Variants in CEP120 observed in about 807,000 individuals in gnomAD.
The protein encoded by CEP120 is centrosomal protein 120.
In CEP120, 113 loss-of-function variants were observed where a neutral mutation model predicts 126.5. The ratio of observed to expected loss-of-function variants is 0.89; its 90% confidence interval spans 0.77 to 1.04. The LOEUF is 1.04. Among genes scored for constraint, CEP120 ranks in the 50% least tolerant of loss-of-function variants. CEP120 has a pLI of 0.00. For synonymous variants in CEP120, 400 were observed against 394.3 expected, an observed-to-expected ratio of 1.01 and a Z score of -0.17; for missense variants, 1,230 against 1,155.7, an observed-to-expected ratio of 1.06 and a Z score of -0.93.
intron 1 of CEP120, 74 bp from the exon 2 acceptor site, chr5:123,418,589 TG>T: frequency 7.5e-7 from 1 of 1,336,916 alleles, no homozygotes; most frequent in Non-Finnish European, 9.9e-7. Context: ...TGTGTTTTTT[TG>T]TTTGGCTGGT....
intron 5 of CEP120, among the ~76,000 whole-genome samples, chr5:123,396,647 C>T (rs183113830): frequency 1.7e-4 from 26 of 152,116 alleles, no homozygotes; most frequent in Non-Finnish European, 3.2e-4. Context: ...GTAACTATCA[C>T]GACTACATAA....
rs1347939762 is a variant in CEP120, at chr5:123,412,333, G to A, written c.463+66C>T. On this transcript the variant is annotated intron_variant, in intron 4 of 19. Coordinates refer to ENST00000306467, the MANE Select transcript of CEP120 (RefSeq NM_001375405.1). ...GCATATATGTCCCTATAACACTCCC[G>A]CTTCCTAAAGCTCTAGTCCAAAGAT... 8 of 1,495,484 alleles carry A rather than the reference G, an allele frequency of 5.3e-6. No homozygotes were observed. Among genetic ancestry groups the A allele is most frequent in the Non-Finnish European group, 7.2e-6 (8 of 1,112,788 alleles). 92.6% of individuals were successfully genotyped at this position (1,495,484 alleles called of 1,614,324 possible). A position where few individuals can be genotyped will look rare whatever the true frequency, so the allele number is the denominator to read the frequency against.
At chr5:123,384,207 G>C (rs536679987) in intron 11 of CEP120, among the ~76,000 whole-genome samples, 22 of 152,142 alleles carry the variant, frequency 1.4e-4, no homozygotes, top group Middle Eastern at 6.8e-3. Context: ...TCAATAATAG[G>C]AGTTGAAACA....
rs1774124080 is a variant in CEP120, at chr5:123,412,449, G to A, written c.413C>T (p.Pro138Leu). The A allele has an allele frequency of 1.2e-6, 2 of 1,611,428 alleles. No individual in the cohort carries two copies. Among genetic ancestry groups the A allele is most frequent in the Admixed American group, 1.7e-5 (1 of 59,660 alleles). ...ISIALETDTK[P>L]PVDSFKAKGA... ...CTTTGCTTTAAAGCTATCCACTGGT[G>A]GCTTTGTATCGGTTTCCAAAGCAAT... The change falls in exon 4 of 20, where the codon CCA (proline) becomes CTA (leucine). Residue 138 changes from proline to leucine, a missense_variant. Pro to Leu is a moderately conservative substitution (Grantham distance 98). Transcript: ENST00000306467.
chr5:123,382,462 G>A (rs1771715709), intron 13 of CEP120, among the ~76,000 whole-genome samples: 1 of 152,078 alleles, frequency 6.6e-6, no homozygotes, highest in Admixed American at 6.6e-5. Flanking sequence ...GGTTCCAGGA[G>A]GGCATGCCAA....
intron 18 of CEP120, among the ~76,000 whole-genome samples, chr5:123,362,619 C>G (rs1003321055): frequency 6.6e-5 from 10 of 151,746 alleles, no homozygotes; most frequent in African/African-American, 2.4e-4. Flanking sequence ...AGTGTTACAC[C>G]TAGCACAAAG....
intron 17 of CEP120, among the ~76,000 whole-genome samples, chr5:123,371,386 C>A (rs748636174): frequency 6.6e-6 from 1 of 151,962 alleles, no homozygotes; most frequent in African/African-American, 2.4e-5. Context: ...CAGGCAAACT[C>A]CCATTTTTTA....
rs538255878 is a variant in CEP120 at position 123,344,976 on chromosome 5, GA to G, written c.*1542del. On this transcript the variant is annotated 3_prime_UTR_variant, in exon 20 of 20. Coordinates refer to ENST00000306467, the MANE Select transcript of CEP120 (RefSeq NM_001375405.1). ...CAAAATAAACTACACATCCATTTTAGAAAAGTCCTTTTTATTTCTTTAAATC... is the reference window on the plus strand; with the variant it reads ...CAAAATAAACTACACATCCATTTTAGAAAGTCCTTTTTATTTCTTTAAATC... The G allele has an allele frequency of 6.6e-6, 1 of 152,126 alleles. No homozygotes were observed. The highest frequency in any genetic ancestry group is 2.4e-5 in the African/African-American group (1 of 41,426). 9.4% of individuals were successfully genotyped at this position (152,126 alleles called of 1,614,324 possible).
At chr5:123,350,169 T>A in intron 18 of CEP120, 80 bp from the exon 19 acceptor site, 1 of 1,320,404 alleles carries the variant, frequency 7.6e-7, no homozygotes, top group Non-Finnish European at 1.0e-6. Flanking sequence ...GTGATTATAA[T>A]CCTATTTGAC....
intron 4 of CEP120, chr5:123,403,888 T>C: frequency 5.3e-6 from 1 of 188,018 alleles, no homozygotes; most frequent in African/African-American, 2.4e-5. Flanking sequence ...AACAATTCAA[T>C]GTAACATCTA....
intron 18 of CEP120, among the ~76,000 whole-genome samples, chr5:123,351,345 T>C (rs1341779710): frequency 6.6e-6 from 1 of 152,214 alleles, no homozygotes; most frequent in East Asian, 1.9e-4. Context: ...TTGTTCTCTG[T>C]AGTTAATCAT....
rs1275171528 is a variant in CEP120, at chr5:123,393,438, A to G, written c.672T>C (p.Ser224=). 4.3e-6 allele frequency: 7 copies of G among 1,614,036 alleles called. No homozygotes were observed. In the African/African-American group the frequency reaches 5.3e-5, roughly 12 times the overall value. Residue 224 remains serine (S), a synonymous_variant, in exon 6 of 20, where the codon TCT becomes TCC. Transcript: ENST00000306467. The stretch of plus-strand genomic sequence containing the variant: ...CATTTGTAACATCATTTCCCAGTAA[A>G]GAGTAGTAAAAGAAAAACTCAGGCT... ...ERQPEFFFYY[S]LLGNDVTNEP... is the part of the protein sequence containing the mutation.
chr5:123,399,178 A>C lies in CEP120; in HGVS notation c.570T>G (p.Phe190Leu). The C allele has an allele frequency of 6.2e-7, 1 of 1,613,208 alleles. No individual in the cohort carries two copies. Among genetic ancestry groups the C allele is most frequent in the Non-Finnish European group, 8.5e-7 (1 of 1,179,206 alleles). Residue 190 changes from phenylalanine to leucine, a missense_variant, in exon 5 of 20, where the codon TTT becomes TTG. Coordinates refer to ENST00000306467, the MANE Select transcript of CEP120 (RefSeq NM_001375405.1). ...IGPAEYCTDSFIMSVTIAFAT... is the reference protein window; with the variant it reads ...IGPAEYCTDSLIMSVTIAFAT... ...CAAATGCTATGGTCACTGACATAAT[A>C]AAGGAGTCAGTACAGTATTCTGCTG... is the stretch of plus-strand genomic sequence containing the variant.
chr5:123,395,925 G>A (rs898072321), intron 5 of CEP120, among the ~76,000 whole-genome samples: 31 of 150,438 alleles, frequency 2.1e-4, no homozygotes, highest in African/African-American at 7.3e-4. Context: ...CTCGTGATCC[G>A]CCCTCCTCAG....
chr5:123,362,112 A>T (rs1562005881), intron 18 of CEP120, among the ~76,000 whole-genome samples: 1 of 151,556 alleles, frequency 6.6e-6, no homozygotes, highest in African/African-American at 2.4e-5. Flanking sequence ...CTTGGCCCCA[A>T]TTCCACAGGG....
chr5:123,395,989 CTTTTTT>C (rs67492630), intron 5 of CEP120, among the ~76,000 whole-genome samples: 1 of 129,998 alleles, frequency 7.7e-6, no homozygotes. Context: ...GTCTCCATTC[CTTTTTT>C]TTTTTTTTTT....
rs1774844757 is a variant in CEP120, at chr5:123,423,298, G to C, written c.-300C>G. ...CCGAGGACCTTTTGCCGCCTGCGTAGCCGCTTTTCAAACGCCCGGGCGGCC... is the reference window on the plus strand; with the variant it reads ...CCGAGGACCTTTTGCCGCCTGCGTACCCGCTTTTCAAACGCCCGGGCGGCC... On this transcript the variant is annotated 5_prime_UTR_variant, in exon 1 of 20. Coordinates refer to ENST00000306467, the MANE Select transcript of CEP120 (RefSeq NM_001375405.1). 2.3e-6 allele frequency: 1 copy of C among 429,562 alleles called. No homozygotes were observed. The highest frequency in any genetic ancestry group is 4.1e-5 in the Admixed American group (1 of 24,306). The allele number at this position is 429,562 out of a possible 1,614,324, so 26.6% of individuals were successfully genotyped here. A position where few individuals can be genotyped will look rare whatever the true frequency, so the allele number is the denominator to read the frequency against.
At chr5:123,402,125 C>G (rs1773291318) in intron 4 of CEP120, 1 of 1,582,684 alleles carries the variant, frequency 6.3e-7, no homozygotes, top group East Asian at 2.2e-5. Context: ...CAAGGGGGCT[C>G]AGCAGGCTCT....
At position 123,384,969 on chromosome 5, in the gene CEP120, G is replaced by A; in HGVS notation, c.1745C>T (p.Pro582Leu). 1.9e-6 allele frequency: 3 copies of A among 1,610,252 alleles called. No individual in the cohort carries two copies. The highest frequency in any genetic ancestry group is 1.1e-5 in the South Asian group (1 of 90,334). Residue 582 changes from proline to leucine, a missense_variant, in exon 11 of 20, where the codon CCT becomes CTT. By Grantham distance (98) the Pro-to-Leu change is moderately conservative (BLOSUM62 -3). Coordinates refer to ENST00000306467, the MANE Select transcript of CEP120 (RefSeq NM_001375405.1). ...GCATTACCCTTGTGCTGCTATAACA[G>A]GCACACTTTCACTGTAAGTTTGACG... ...CWRQTYSESV[P>L]VIAAQGSNNR... is the part of the protein sequence containing the mutation.
Sources: gnomAD v4.1 joint callset for allele counts (sites outside exome capture counted in the v4.1 genomes callset) on GRCh38, gnomAD v4.1.1 for gene constraint, MANE v1.5 for transcripts, NCBI Gene and HGNC (gene_info 2026-07-23, HGNC 2026-07-21) for gene names.